The following GRIK2 variants were observed in gnomAD, a reference collection of about 807,000 sequenced individuals.
GRIK2 encodes the protein glutamate ionotropic receptor kainate type subunit 2, also known as glutamate receptor ionotropic, kainate 2.
A neutral mutation model predicts 100.3 loss-of-function variants in GRIK2; 32 were observed. The observed-to-expected ratio is 0.32, with a 90% CI of 0.24 to 0.43. The LOEUF (loss-of-function observed/expected upper bound fraction) is 0.43. Among genes scored for constraint, GRIK2 ranks in the 20% least tolerant of loss-of-function variants. The pLI, the probability that GRIK2 is intolerant of heterozygous loss-of-function variation, is 1.00. For synonymous variants in GRIK2, 417 were observed against 389.4 expected (o/e 1.07, Z -0.83); for missense variants, 843 against 1,114.9 (o/e 0.76, Z 3.47).
intron 2 of GRIK2, among the ~76,000 whole-genome samples, chr6:101,560,866 G>T (rs949152186): frequency 6.6e-6 from 1 of 152,086 alleles, no homozygotes; most frequent in Admixed American, 6.6e-5. Flanking sequence ...CATCATCACT[G>T]TGCTAGCAAA....
chr6:101,595,242 C>G (rs1040287920), intron 2 of GRIK2, among the ~76,000 whole-genome samples: 36 of 151,536 alleles, frequency 2.4e-4, no homozygotes, highest in African/African-American at 8.2e-4. Flanking sequence ...GAGAGACAGA[C>G]AGAAGGAGGG....
intron 2 of GRIK2, among the ~76,000 whole-genome samples, chr6:101,608,879 T>C (rs567240278): frequency 6.0e-4 from 91 of 151,410 alleles, no homozygotes; most frequent in African/African-American, 2.2e-3. Flanking sequence ...TAGTCTACAG[T>C]TGGGTCATTT....
intron 4 of GRIK2, among the ~76,000 whole-genome samples, chr6:101,645,455 A>G (rs144972921): frequency 1.4e-3 from 210 of 152,006 alleles, no homozygotes; most frequent in African/African-American, 4.8e-3. Context: ...CATATGAGAC[A>G]AGGTATATAA....
At chr6:101,513,884 A>T (rs1474465708) in intron 2 of GRIK2, among the ~76,000 whole-genome samples, 1 of 152,134 alleles carries the variant, frequency 6.6e-6, no homozygotes, top group Non-Finnish European at 1.5e-5. Context: ...ATGAATTAAA[A>T]AGGAAGAGAT....
chr6:101,937,822 T>C (rs555515418), intron 14 of GRIK2, among the ~76,000 whole-genome samples: 2 of 152,180 alleles, frequency 1.3e-5, no homozygotes, highest in Admixed American at 1.3e-4. Context: ...CAAAGACATA[T>C]TGTTCTCATT....
intron 4 of GRIK2, among the ~76,000 whole-genome samples, chr6:101,662,076 A>G (rs1258920294): frequency 2.0e-5 from 3 of 152,206 alleles, no homozygotes; most frequent in East Asian, 3.9e-4. Context: ...TAATGTTCAT[A>G]CATTAAAGTA....
At chr6:101,614,989 T>C (rs181754942) in intron 2 of GRIK2, among the ~76,000 whole-genome samples, 2 of 151,796 alleles carry the variant, frequency 1.3e-5, no homozygotes, top group East Asian at 3.9e-4. Context: ...TCTTAAGTAG[T>C]GAAGTTCTTT....
chr6:101,841,485 T>C (rs1432930422), intron 10 of GRIK2, among the ~76,000 whole-genome samples: 1 of 151,868 alleles, frequency 6.6e-6, no homozygotes, highest in Non-Finnish European at 1.5e-5. Context: ...TGCCTCAGCC[T>C]CCCGAGTAGC....
chr6:101,475,312 A>T (rs888906441), intron 2 of GRIK2, among the ~76,000 whole-genome samples: 2 of 151,926 alleles, frequency 1.3e-5, no homozygotes, highest in African/African-American at 4.8e-5. Flanking sequence ...CACATCACTG[A>T]ATTTATTTTT....
At chr6:101,469,491 G>A (rs1257835592) in intron 2 of GRIK2, among the ~76,000 whole-genome samples, 1 of 152,108 alleles carries the variant, frequency 6.6e-6, no homozygotes, top group African/African-American at 2.4e-5. Context: ...ATGATGAAAT[G>A]ATATCATTGA....
intron 2 of GRIK2, among the ~76,000 whole-genome samples, chr6:101,552,311 G>T (rs562860246): frequency 1.3e-5 from 2 of 152,088 alleles, no homozygotes; most frequent in African/African-American, 4.8e-5. Context: ...GTGGTATTTA[G>T]CTTCCTCAAA....
chr6:101,622,046 A>G lies in GRIK2; in HGVS notation c.213A>G (p.Leu71=). 6.2e-7 allele frequency: 1 copy of G among 1,600,972 alleles called. No homozygotes were observed. The highest frequency in any genetic ancestry group is 8.6e-7 in the Non-Finnish European group (1 of 1,168,248). The change falls in exon 3 of 17, where the codon CTA becomes CTG. Residue 71 remains leucine, a synonymous_variant. Coordinates refer to ENST00000369134, the MANE Select transcript of GRIK2 (RefSeq NM_021956.5). ...CAATTAACAGAAACAGAACATTGCT[A>G]CCCAATACTACCCTTACCTATGATA... ...VNTINRNRTL[L]PNTTLTYDTQ... is the part of the protein sequence containing the mutation.
intron 7 of GRIK2, among the ~76,000 whole-genome samples, chr6:101,691,429 C>T (rs11961105): frequency 6.6e-6 from 1 of 151,768 alleles, no homozygotes; most frequent in East Asian, 1.9e-4. Context: ...CTCCGAGTAG[C>T]TGGGATTACA....
rs777976276 is a variant in GRIK2 at position 101,399,250 on chromosome 6, G to A, written c.-28G>A. ...GCCGAACGCTAGATCGGGGAAGTGG[G>A]TGCCGTGCGTGTGGGCACAGAAACA... On this transcript the variant is annotated 5_prime_UTR_variant, in exon 2 of 17. It adds an upstream start codon to the 5' untranslated region. Transcript: ENST00000369134. 1 of 1,064,714 alleles carries A rather than the reference G, an allele frequency of 9.4e-7. No individual in the cohort carries two copies. Among genetic ancestry groups the A allele is most frequent in the Non-Finnish European group, 1.5e-6 (1 of 677,878 alleles). The allele number at this position is 1,064,714 out of a possible 1,614,324, so 66.0% of individuals were successfully genotyped here.
chr6:101,833,927 G>A (rs1782877158), intron 10 of GRIK2, among the ~76,000 whole-genome samples: 1 of 152,046 alleles, frequency 6.6e-6, no homozygotes, highest in African/African-American at 2.4e-5. Flanking sequence ...ATTTACTATG[G>A]TCTAAAGCAG....
chr6:101,844,125 T>C (rs1019292706), intron 10 of GRIK2, among the ~76,000 whole-genome samples: 1 of 152,154 alleles, frequency 6.6e-6, no homozygotes, highest in Non-Finnish European at 1.5e-5. Context: ...GGCAGACTTA[T>C]TGGATGATAA....
intron 14 of GRIK2, among the ~76,000 whole-genome samples, chr6:102,024,322 T>C (rs1339409463): frequency 6.6e-6 from 1 of 151,198 alleles, no homozygotes; most frequent in African/African-American, 2.4e-5. Context: ...ACATAATACC[T>C]GTAGCTTGAA....
At chr6:101,510,273 G>C (rs956227060) in intron 2 of GRIK2, among the ~76,000 whole-genome samples, 2 of 152,120 alleles carry the variant, frequency 1.3e-5, no homozygotes, top group Admixed American at 1.3e-4. Flanking sequence ...CAAGGGTTCA[G>C]CTATGGAAAG....
At chr6:101,450,984 A>C (rs1253469199) in intron 2 of GRIK2, among the ~76,000 whole-genome samples, 2 of 151,600 alleles carry the variant, frequency 1.3e-5, no homozygotes, top group Admixed American at 1.3e-4. Flanking sequence ...CATAGCTTTC[A>C]GGTCTTTTGA....
Sources: gnomAD v4.1 joint callset for allele counts (sites outside exome capture counted in the v4.1 genomes callset) on GRCh38, gnomAD v4.1.1 for gene constraint, MANE v1.5 for transcripts, NCBI Gene and HGNC (gene_info 2026-07-23, HGNC 2026-07-21) for gene names.